The following SCIN variants were observed in gnomAD, a reference collection of about 807,000 sequenced individuals.
The protein encoded by SCIN is scinderin, also known as adseverin.
Under a neutral mutation model 91.8 loss-of-function variants are expected in SCIN, and 91 were observed. The ratio of observed to expected loss-of-function variants is 0.99; its 90% CI spans 0.84 to 1.18. The LOEUF is 1.18. SCIN is among the 50% of genes most tolerant of loss of function. The pLI is 0.00. For synonymous variants in SCIN, 367 were observed against 312.6 expected (o/e 1.17, Z -1.84); for missense variants, 1,087 against 863.9 (o/e 1.26, Z -3.24).
At chr7:12,636,010 A>T in intron 9 of SCIN, 35 bp from the exon 10 acceptor site, 4 of 1,512,124 alleles carry the variant, frequency 2.6e-6, no homozygotes, top group Non-Finnish European at 3.7e-6. Flanking sequence ...TAAAACTTAA[A>T]GGCAAGCTAA....
At chr7:12,594,065 A>G (rs1173830786) in intron 3 of SCIN, among the ~76,000 whole-genome samples, 1 of 151,920 alleles carries the variant, frequency 6.6e-6, no homozygotes. Flanking sequence ...GATCCCCTCA[A>G]CTCCCGCTAC....
Position 12,581,108 on chromosome 7 carries a change from A to C in SCIN, c.403A>C (p.Thr135Pro). 6.4e-7 allele frequency: 1 copy of C among 1,551,428 alleles called. No homozygotes were observed. The highest frequency in any genetic ancestry group is 8.7e-7 in the Non-Finnish European group (1 of 1,146,808). The change falls in exon 3 of 16, where the codon ACA (threonine) becomes CCA (proline). Residue 135 changes from threonine (T) to proline (P), a missense_variant. Coordinates refer to ENST00000297029, the MANE Select transcript of SCIN (RefSeq NM_001112706.3). Reference sequence around the variant, plus strand: ...AAATCATGTTCTTACGAACGACCTGACAGCCAAGAGGCTCCTACATGTGAA... The same window carrying C: ...AAATCATGTTCTTACGAACGACCTGCCAGCCAAGAGGCTCCTACATGTGAA... ...GLNHVLTNDL[T>P]AKRLLHVKGR...
intron 4 of SCIN, among the ~76,000 whole-genome samples, chr7:12,618,549 T>C (rs1399213718): frequency 6.6e-6 from 1 of 152,152 alleles, no homozygotes; most frequent in African/African-American, 2.4e-5. Flanking sequence ...AGAGTAAATG[T>C]TGGAATCTTA....
rs533836902 is a variant in SCIN, at chr7:12,598,097, TAAATC to T, written c.517-6414_517-6410del. On this transcript the variant is annotated intron_variant, in intron 3 of 15. Coordinates refer to ENST00000297029, the MANE Select transcript of SCIN (RefSeq NM_001112706.3). ...TACAATTTTCAGTGTCTAGCATACT[TAAATC>T]AAGTCAATGAATGGTTTTTAAACTA... Among the ~76,000 whole-genome samples the T allele has an allele frequency of 4.3e-4, 65 of 152,354 alleles. 1 individual carries two copies. Among genetic ancestry groups the T allele is most frequent in the Non-Finnish European group, 3.4e-4 (23 of 68,036 alleles).
intron 9 of SCIN, among the ~76,000 whole-genome samples, chr7:12,634,047 T>C (rs964004089): frequency 6.6e-6 from 1 of 151,944 alleles, no homozygotes; most frequent in Non-Finnish European, 1.5e-5. Context: ...AATTCTGTGA[T>C]AAGATACACA....
chr7:12,598,743 C>G (rs28505574), intron 3 of SCIN, among the ~76,000 whole-genome samples: 3 of 151,670 alleles, frequency 2.0e-5, no homozygotes, highest in Middle Eastern at 3.4e-3. Context: ...AAACAAAAAA[C>G]AAAAAAACAA....
intron 3 of SCIN, among the ~76,000 whole-genome samples, chr7:12,600,559 G>T (rs1276900603): frequency 6.6e-6 from 1 of 152,158 alleles, no homozygotes; most frequent in Non-Finnish European, 1.5e-5. Context: ...GATTTATAGG[G>T]TCAATGTTTT....
chr7:12,580,979 A>G, intron 2 of SCIN, 81 bp from the exon 3 acceptor site: 1 of 1,404,922 alleles, frequency 7.1e-7, no homozygotes, highest in Non-Finnish European at 9.6e-7. Flanking sequence ...CAGCAGTATT[A>G]TTGTGCTTTG....
chr7:12,584,035 C>G (rs1413026500), intron 3 of SCIN, among the ~76,000 whole-genome samples: 1 of 152,080 alleles, frequency 6.6e-6, no homozygotes, highest in Non-Finnish European at 1.5e-5. Context: ...GCACCAGATT[C>G]CTACATAATC....
In SCIN at chr7:12,629,303, G is replaced by A. The variant is rs138836163; in HGVS notation, c.1319+81G>A. 5 of 1,296,350 alleles carry A rather than the reference G, an allele frequency of 3.9e-6. No individual in the cohort carries two copies. In the East Asian group the frequency reaches 1.2e-4, roughly 32 times the overall value. 80.3% of individuals were successfully genotyped at this position (1,296,350 alleles called of 1,614,324 possible). On this transcript the variant is annotated intron_variant, in intron 9 of 15. Coordinates refer to ENST00000297029, the MANE Select transcript of SCIN (RefSeq NM_001112706.3). Reference sequence around the variant, plus strand: ...AGTATTAAATTCTATGCATTATGGGGTAGAATAATCCTATAATCATCCCAG... The same window carrying A: ...AGTATTAAATTCTATGCATTATGGGATAGAATAATCCTATAATCATCCCAG...
At position 12,578,192 on chromosome 7, in the gene SCIN, T is replaced by G; in HGVS notation, c.328T>G (p.Tyr110Asp). The G allele has an allele frequency of 6.5e-7, 1 of 1,547,844 alleles. No homozygotes were observed. The highest frequency in any genetic ancestry group is 1.7e-4 in the Middle Eastern group (1 of 5,954). Residue 110 changes from tyrosine to aspartate, a missense_variant, in exon 2 of 16, where the codon TAT (tyrosine) becomes GAT (aspartate). By Grantham distance (160) the Tyr-to-Asp change is radical. Transcript: ENST00000297029. ...QGYESNDFVS[Y>D]FKGGLKYKAG... ...ATATGAGTCTAATGACTTTGTTAGC[T>G]ATTTCAAAGGCGGTCTGAAATACAA...
At chr7:12,593,615 G>A (rs1782773799) in intron 3 of SCIN, among the ~76,000 whole-genome samples, 1 of 152,186 alleles carries the variant, frequency 6.6e-6, no homozygotes, top group African/African-American at 2.4e-5. Flanking sequence ...CTGTAAGGCG[G>A]GAAAGAGATT....
At chr7:12,586,255 A>G (rs929109228) in intron 3 of SCIN, among the ~76,000 whole-genome samples, 1 of 152,160 alleles carries the variant, frequency 6.6e-6, no homozygotes, top group African/African-American at 2.4e-5. Context: ...TCAAGCTCCT[A>G]TTTCCCCAGA....
intron 4 of SCIN, among the ~76,000 whole-genome samples, chr7:12,620,583 T>C (rs1783387633): frequency 6.6e-6 from 1 of 152,116 alleles, no homozygotes; most frequent in Non-Finnish European, 1.5e-5. Flanking sequence ...ATAAGGGGCC[T>C]TGCAGCCAGT....
chr7:12,580,458 T>A (rs534840114), intron 2 of SCIN, among the ~76,000 whole-genome samples: 2 of 152,264 alleles, frequency 1.3e-5, no homozygotes, highest in South Asian at 2.1e-4. Flanking sequence ...GTAAAAACAC[T>A]CAGGCCTAGC....
At chr7:12,607,827 A>G (rs1783109686) in intron 4 of SCIN, among the ~76,000 whole-genome samples, 1 of 152,224 alleles carries the variant, frequency 6.6e-6, no homozygotes, top group Non-Finnish European at 1.5e-5. Flanking sequence ...GAGCACCTAT[A>G]ACAAACTTGT....
At chr7:12,577,696 T>G (rs1376671356) in intron 1 of SCIN, 1 of 414,724 alleles carries the variant, frequency 2.4e-6, no homozygotes, top group East Asian at 6.9e-5. Context: ...TACAAAACAC[T>G]TTTTTGAGAA....
At chr7:12,635,919 G>C (rs2115287129) in intron 9 of SCIN, 126 bp from the exon 10 acceptor site, 1 of 693,320 alleles carries the variant, frequency 1.4e-6, no homozygotes, top group East Asian at 2.7e-5. Flanking sequence ...TTAACAGCTT[G>C]TATCATGTTA....
intron 1 of SCIN, 93 bp from the exon 2 acceptor site, chr7:12,577,971 G>C: frequency 8.7e-7 from 1 of 1,143,048 alleles, no homozygotes. Context: ...ATACATAATT[G>C]AAATGAAAAT....
Sources: allele counts gnomAD v4.1 joint callset (sites outside exome capture counted in the v4.1 genomes callset), GRCh38; gene constraint gnomAD v4.1.1; transcripts MANE v1.5; gene names NCBI Gene and HGNC (gene_info 2026-07-23, HGNC 2026-07-21).